The following NSG2 variants were observed in gnomAD, a reference collection of about 807,000 sequenced individuals.
NSG2 encodes the protein neuronal vesicle trafficking-associated protein 2.
A neutral mutation model predicts 16.9 loss-of-function variants in NSG2; 4 were observed. The ratio of observed to expected loss-of-function variants is 0.24; its 90% CI spans 0.12 to 0.54. The LOEUF (loss-of-function observed/expected upper bound fraction) is 0.54, where lower values mean the gene tolerates loss of function less well. NSG2 is among the 20% of genes least tolerant of loss of function. NSG2 has a pLI of 0.95. For synonymous variants in NSG2, 98 were observed against 88.7 expected, an observed-to-expected ratio of 1.11 and a Z score of -0.59; for missense variants, 179 against 221.1, an observed-to-expected ratio of 0.81 and a Z score of 1.21.
At chr5:174,085,867 A>C (rs762098564) in intron 3 of NSG2, among the ~76,000 whole-genome samples, 1 of 152,232 alleles carries the variant, frequency 6.6e-6, no homozygotes, top group Non-Finnish European at 1.5e-5. Context: ...TCACCTTGCC[A>C]CAGTCAGATG....
chr5:174,092,592 A>G (rs188375716), intron 3 of NSG2, among the ~76,000 whole-genome samples: 19 of 152,408 alleles, frequency 1.2e-4, no homozygotes, highest in Non-Finnish European at 1.9e-4. Flanking sequence ...AACCAAATTC[A>G]TAAATCCTGC....
chr5:174,078,374 C>A (rs1373276203), intron 3 of NSG2, among the ~76,000 whole-genome samples: 1 of 152,116 alleles, frequency 6.6e-6, no homozygotes, highest in Non-Finnish European at 1.5e-5. Flanking sequence ...TCTCTTGTAC[C>A]TTGCTTCTTT....
At chr5:174,056,058 T>G (rs563262185) in intron 2 of NSG2, 2 of 152,224 alleles carry the variant, frequency 1.3e-5, no homozygotes, top group South Asian at 4.1e-4. Context: ...CTTCACCCTC[T>G]CTCTTTAGAA....
intron 4 of NSG2, among the ~76,000 whole-genome samples, chr5:174,106,435 G>A (rs2113482715): frequency 6.6e-6 from 1 of 152,190 alleles, no homozygotes; most frequent in Non-Finnish European, 1.5e-5. Flanking sequence ...AGGGACACAT[G>A]GAGTTGCAGA....
At chr5:174,051,749 A>G (rs1375527146) in intron 2 of NSG2, among the ~76,000 whole-genome samples, 1 of 152,266 alleles carries the variant, frequency 6.6e-6, no homozygotes, top group African/African-American at 2.4e-5. Context: ...ACATAAAAGC[A>G]TATAGATGCA....
At chr5:174,078,277 C>A (rs1020766996) in intron 3 of NSG2, among the ~76,000 whole-genome samples, 1 of 147,884 alleles carries the variant, frequency 6.8e-6, no homozygotes, top group African/African-American at 2.5e-5. Flanking sequence ...GCACACACAC[C>A]ACACACACAC....
chr5:174,081,085 A>T (rs965972121), intron 3 of NSG2, among the ~76,000 whole-genome samples: 1 of 151,640 alleles, frequency 6.6e-6, no homozygotes, highest in African/African-American at 2.4e-5. Flanking sequence ...TGAATTTTGT[A>T]TATTTATTTG....
intron 2 of NSG2, 77 bp downstream of exon 2, chr5:174,046,961 C>T: frequency 6.8e-7 from 1 of 1,470,630 alleles, no homozygotes; most frequent in Non-Finnish European, 9.4e-7. Context: ...AAAATTCCAC[C>T]CCCCAAATCC....
At chr5:174,049,477 G>A (rs982626970) in intron 2 of NSG2, among the ~76,000 whole-genome samples, 2 of 152,188 alleles carry the variant, frequency 1.3e-5, no homozygotes, top group African/African-American at 2.4e-5. Context: ...ACTCACACAT[G>A]TGTGCAATTT....
At chr5:174,079,658 A>C (rs114636608) in intron 3 of NSG2, among the ~76,000 whole-genome samples, 2,895 of 152,228 alleles carry the variant, frequency 0.019, 95 homozygotes, top group African/African-American at 0.066. Flanking sequence ...TGGCTGGACC[A>C]TTTGTTCCTT....
chr5:174,094,131 A>G (rs904119640), intron 3 of NSG2, among the ~76,000 whole-genome samples: 2 of 152,200 alleles, frequency 1.3e-5, no homozygotes, highest in African/African-American at 4.8e-5. Flanking sequence ...TTAGAATGAG[A>G]TACTCTAGAG....
intron 2 of NSG2, among the ~76,000 whole-genome samples, chr5:174,049,451 A>C (rs1380448360): frequency 6.6e-6 from 1 of 152,228 alleles, no homozygotes; most frequent in Non-Finnish European, 1.5e-5. Flanking sequence ...ACGTGCACAC[A>C]CACACACACA....
At chr5:174,055,252 A>T (rs1759949090) in intron 2 of NSG2, among the ~76,000 whole-genome samples, 1 of 152,136 alleles carries the variant, frequency 6.6e-6, no homozygotes, top group Non-Finnish European at 1.5e-5. Context: ...CCCGTAGAGG[A>T]TCCTGTGGAG....
At chr5:174,081,583 T>A (rs977835393) in intron 3 of NSG2, 6 of 152,226 alleles carry the variant, frequency 3.9e-5, no homozygotes, top group Admixed American at 2.6e-4. Flanking sequence ...CTTTTTGTGC[T>A]GTCTTCATCA....
intron 3 of NSG2, among the ~76,000 whole-genome samples, chr5:174,087,076 A>G (rs903205580): frequency 6.6e-6 from 1 of 152,312 alleles, no homozygotes; most frequent in East Asian, 1.9e-4. Context: ...ATTATTGCTC[A>G]TATAAAGTTT....
intron 3 of NSG2, among the ~76,000 whole-genome samples, chr5:174,088,312 A>T (rs1174054977): frequency 6.6e-6 from 1 of 152,176 alleles, no homozygotes; most frequent in Non-Finnish European, 1.5e-5. Flanking sequence ...CTGCAGGCGG[A>T]GAGTCCGTCT....
intron 3 of NSG2, among the ~76,000 whole-genome samples, chr5:174,092,631 C>G (rs919768550): frequency 1.3e-5 from 2 of 152,200 alleles, no homozygotes; most frequent in Non-Finnish European, 2.9e-5. Context: ...ACAATGACAA[C>G]AAGAAGCATT....
intron 2 of NSG2, among the ~76,000 whole-genome samples, chr5:174,051,272 C>T (rs983038708): frequency 1.3e-5 from 2 of 152,092 alleles, no homozygotes; most frequent in Non-Finnish European, 2.9e-5. Flanking sequence ...GTAGAATTAT[C>T]CTGCCCCAAA....
intron 3 of NSG2, among the ~76,000 whole-genome samples, chr5:174,068,933 A>G (rs28458254): frequency 3.6e-5 from 5 of 139,420 alleles, no homozygotes; most frequent in East Asian, 2.3e-4. Flanking sequence ...TGCTGGTGTC[A>G]TGGGGATCCT....
Sources: gnomAD v4.1 joint callset for allele counts (sites outside exome capture counted in the v4.1 genomes callset) on GRCh38, gnomAD v4.1.1 for gene constraint, MANE v1.5 for transcripts, NCBI Gene and HGNC (gene_info 2026-07-23, HGNC 2026-07-21) for gene names.